GRM4: variants seen among roughly 807,000 people sequenced by gnomAD.
GRM4 encodes glutamate metabotropic receptor 4.
In GRM4, 28 loss-of-function variants were observed where a neutral mutation model predicts 81.7. The ratio of observed to expected loss-of-function variants is 0.34; its 90% CI spans 0.25 to 0.47. GRM4 has a LOEUF of 0.47. Ranked by LOEUF, GRM4 falls within the 20% of genes least tolerant of loss-of-function variation. GRM4 has a pLI of 1.00. For missense variants in GRM4, 948 were observed against 1,290.0 expected, an observed-to-expected ratio of 0.73 and a Z score of 4.06; for synonymous variants, 488 against 528.8, an observed-to-expected ratio of 0.92 and a Z score of 1.06.
At chr6:34,077,415 C>T (rs967261636) in intron 3 of GRM4, among the ~76,000 whole-genome samples, 5 of 152,062 alleles carry the variant, frequency 3.3e-5, no homozygotes, top group East Asian at 1.9e-4. Flanking sequence ...TAATTCACGG[C>T]GCACCTCCAC....
chr6:34,035,733 T>C lies in GRM4; in HGVS notation c.2377A>G (p.Thr793Ala). Residue 793 changes from threonine (T) to alanine (A), a missense_variant, in exon 9 of 11, where the codon ACC becomes GCC. Coordinates refer to ENST00000538487, the MANE Select transcript of GRM4 (RefSeq NM_000841.4). This position sits in a 1 kb window ranked among gnomAD's most constrained non-coding sequence, Gnocchi z 6.6. ...EAKPIGFTMY[T>A]TCIVWLAFIP... ...AAGGCCAGCCAGACGATGCAAGTGG[T>C]GTACATGGTGAAGCCAATGGGCTTG... 1 of 1,602,406 alleles carries C rather than the reference T, an allele frequency of 6.2e-7. No individual in the cohort carries two copies. Among genetic ancestry groups the C allele is most frequent in the Non-Finnish European group, 8.5e-7 (1 of 1,172,492 alleles).
At position 34,068,041 on chromosome 6, in the gene GRM4, T is replaced by C. The variant is rs1375392689; in HGVS notation, c.737-6013A>G. On this transcript the variant is annotated intron_variant, in intron 3 of 10. Transcript: ENST00000538487. The surrounding 1 kb of genome is among the most constrained non-coding windows in gnomAD (Gnocchi z 4.2). ...GGCGTGAGACACTGGGATGCAGCCA[T>C]GCAGAGGACAGAAGCCCGGCGCCAT... 5.3e-5 allele frequency among the ~76,000 whole-genome samples: 8 copies of C among 152,170 alleles called. No individual in the cohort carries two copies. Among genetic ancestry groups the C allele is most frequent in the Non-Finnish European group, 1.0e-4 (7 of 68,026 alleles).
Position 34,036,222 on chromosome 6 carries a change from G to T in GRM4, c.1888C>A (p.Leu630Met). Residue 630 changes from leucine to methionine, a missense_variant, in exon 9 of 11, where the codon CTG becomes ATG. By Grantham distance (15) the Leu-to-Met change is conservative (BLOSUM62 2). Coordinates refer to ENST00000538487, the MANE Select transcript of GRM4 (RefSeq NM_000841.4). This position sits in a 1 kb window ranked among gnomAD's most constrained non-coding sequence, Gnocchi z 9.0. ...GCATAGCACAGGAAGATGCCTGCCA[G>T]CAGCACGTAGCTCAGTTCACGGCCC... ...ASGRELSYVL[L>M]AGIFLCYATT... The T allele has an allele frequency of 6.2e-7, 1 of 1,614,178 alleles. No individual in the cohort carries two copies. Among genetic ancestry groups the T allele is most frequent in the South Asian group, 1.1e-5 (1 of 91,086 alleles).
In GRM4 at chr6:34,061,970, G is replaced by A. The variant is rs143657941; in HGVS notation, c.795C>T (p.Phe265=). 273 of 1,613,960 alleles carry A rather than the reference G, an allele frequency of 1.7e-4. 1 individual carries two copies. The African/African-American group carries it at 1.7e-3, about 10-fold the overall frequency. The change falls in exon 4 of 11, where the codon TTC becomes TTT. Residue 265 remains phenylalanine, a synonymous_variant. Coordinates refer to ENST00000538487, the MANE Select transcript of GRM4 (RefSeq NM_000841.4). ...CCAGGAGGCGGCGGATGATCTTGTC[G>A]AACTCGCCTGCCTTGGGCTCCCGTG... ...KIPREPKAGE[F]DKIIRRLLET... is the part of the protein sequence containing the mutation.
intron 3 of GRM4, among the ~76,000 whole-genome samples, chr6:34,085,772 G>A (rs141193723): frequency 1.3e-5 from 2 of 152,180 alleles, no homozygotes; most frequent in Non-Finnish European, 2.9e-5. Context: ...AAATGTATTA[G>A]TCTGGTGCTA....
At chr6:34,107,911 G>C (rs2127497604) in intron 2 of GRM4, among the ~76,000 whole-genome samples, 1 of 152,316 alleles carries the variant, frequency 6.6e-6, no homozygotes, top group East Asian at 1.9e-4. Flanking sequence ...ACAAACAGTT[G>C]ACAAGCCCTT....
chr6:34,072,002 C>T (rs1766913444), intron 3 of GRM4, among the ~76,000 whole-genome samples: 1 of 150,696 alleles, frequency 6.6e-6, no homozygotes, highest in Non-Finnish European at 1.5e-5. Flanking sequence ...CACAAAAATA[C>T]ACACCACACA....
Position 34,082,463 on chromosome 6 carries a change from TGAA to T in GRM4, c.736+9417_736+9419del, listed in dbSNP as rs1354028321. Among the ~76,000 whole-genome samples, 11 of 152,196 alleles carry T rather than the reference TGAA, an allele frequency of 7.2e-5. No individual in the cohort carries two copies. In the South Asian group the frequency reaches 2.3e-3, roughly 32 times the overall value. On this transcript the variant is annotated intron_variant, in intron 3 of 10. Transcript: ENST00000538487. ...AGCCACGAGAAGTCAGTGAGGGATG[TGAA>T]GACCTGTGTTGTGGGGGACTCAGAG...
At chr6:34,124,736 G>A (rs989447900) in intron 2 of GRM4, among the ~76,000 whole-genome samples, 1 of 152,222 alleles carries the variant, frequency 6.6e-6, no homozygotes, top group Admixed American at 6.5e-5. Flanking sequence ...ATGGCCAGTA[G>A]GTTCAGTAAA....
In GRM4 at chr6:34,040,185, T is replaced by C; in HGVS notation, c.1499A>G (p.His500Arg). The C allele has an allele frequency of 1.2e-6, 2 of 1,613,856 alleles. No individual in the cohort carries two copies. The highest frequency in any genetic ancestry group is 1.7e-6 in the Non-Finnish European group (2 of 1,179,742). ...KVIGSWTDHLHLRIERMHWPG... is the reference protein window; with the variant it reads ...KVIGSWTDHLRLRIERMHWPG... ...CCCTGCCCTCCCACTTACTCTAAGG[T>C]GCAGGTGGTCAGTCCAGGAGCCAAT... is the stretch of plus-strand genomic sequence containing the variant. The change falls in exon 8 of 11, where the codon CAC becomes CGC. Residue 500 changes from histidine to arginine, a missense_variant. His to Arg is a conservative substitution (Grantham distance 29). Transcript: ENST00000538487.
At chr6:34,145,521 G>C (rs1386835685) in intron 1 of GRM4, among the ~76,000 whole-genome samples, 1 of 152,246 alleles carries the variant, frequency 6.6e-6, no homozygotes, top group African/African-American at 2.4e-5. Context: ...ACGGGCGCCT[G>C]GCGGCGCCGC....
intron 1 of GRM4, among the ~76,000 whole-genome samples, chr6:34,141,549 A>G (rs1348280240): frequency 1.3e-5 from 2 of 152,218 alleles, no homozygotes; most frequent in African/African-American, 4.8e-5. Flanking sequence ...TGAGGTTAAT[A>G]ATAAAACATT....
At position 34,070,804 on chromosome 6, in the gene GRM4, AC is replaced by A. The variant is rs1766786066; in HGVS notation, c.737-8777del. Among the ~76,000 whole-genome samples the A allele has an allele frequency of 3.2e-5, 4 of 125,494 alleles. No individual in the cohort carries two copies. Among genetic ancestry groups the A allele is most frequent in the Non-Finnish European group, 1.5e-5 (1 of 65,136 alleles). 82.3% of individuals were successfully genotyped at this position (125,494 alleles called of 152,430 possible). A position where few individuals can be genotyped will look rare whatever the true frequency, so the allele number is the denominator to read the frequency against. ...GCCACACCCCCAGCCACACACACAC[AC>A]ACACACACACACACGGCAATGCACA... is the stretch of plus-strand genomic sequence containing the variant. On this transcript the variant is annotated intron_variant, in intron 3 of 10. Transcript: ENST00000538487. This position sits in a 1 kb window ranked among gnomAD's most constrained non-coding sequence, Gnocchi z 4.6.
At chr6:34,060,807 G>C (rs1022451567) in intron 4 of GRM4, 1 of 152,274 alleles carries the variant, frequency 6.6e-6, no homozygotes, top group Non-Finnish European at 1.5e-5. Flanking sequence ...CCGCCTCTGT[G>C]CAGCTCTGAG....
intron 3 of GRM4, chr6:34,062,519 T>A (rs1466650): frequency 0.33 from 47,419 of 143,240 alleles, 8,967 homozygotes; most frequent in East Asian, 0.52. Context: ...AAATGTTGAT[T>A]ATTTTTATTG....
rs1430140700 is a variant in GRM4, at chr6:34,074,767, A to C, written c.737-12739T>G. Among the ~76,000 whole-genome samples, 1 of 152,220 alleles carries C rather than the reference A, an allele frequency of 6.6e-6. No individual in the cohort carries two copies. Among genetic ancestry groups the C allele is most frequent in the Non-Finnish European group, 1.5e-5 (1 of 68,032 alleles). On this transcript the variant is annotated intron_variant, in intron 3 of 10. Coordinates refer to ENST00000538487, the MANE Select transcript of GRM4 (RefSeq NM_000841.4). The surrounding 1 kb of genome is among the most constrained non-coding windows in gnomAD (Gnocchi z 4.9). ...GAAGCGAGAAAGGCGGAAAAATAAT[A>C]GAAAAGGGAAGCCGTGGTGTTTGGA...
At chr6:34,103,148 G>A (rs919266761) in intron 2 of GRM4, among the ~76,000 whole-genome samples, 4 of 152,140 alleles carry the variant, frequency 2.6e-5, no homozygotes, top group Admixed American at 6.5e-5. Flanking sequence ...CCCCATCCCC[G>A]GGTCCTGCCC....
At chr6:34,107,930 A>C (rs1454008439) in intron 2 of GRM4, among the ~76,000 whole-genome samples, 1 of 152,172 alleles carries the variant, frequency 6.6e-6, no homozygotes, top group Non-Finnish European at 1.5e-5. Flanking sequence ...TTGCCTAGAC[A>C]CTGAGCCCAC....
At chr6:34,033,435 A>T (rs1445997309) in intron 9 of GRM4, among the ~76,000 whole-genome samples, 1 of 152,078 alleles carries the variant, frequency 6.6e-6, no homozygotes, top group Non-Finnish European at 1.5e-5. Flanking sequence ...AGTTAGACAA[A>T]GTGGGGACAA....
Sources: gnomAD v4.1 joint callset for allele counts (sites outside exome capture counted in the v4.1 genomes callset) on GRCh38, gnomAD v4.1.1 for gene constraint, Gnocchi (gnomAD v3.1) non-coding constraint, MANE v1.5 for transcripts, NCBI Gene and HGNC (gene_info 2026-07-23, HGNC 2026-07-21) for gene names.